Variants in MYO5B observed in about 807,000 individuals in gnomAD.
MYO5B encodes unconventional myosin-Vb.
In MYO5B, 143 loss-of-function variants were observed where a neutral mutation model predicts 229.3. The ratio of observed to expected loss-of-function variants is 0.62; its 90% CI spans 0.54 to 0.72. The LOEUF is 0.72. Among genes scored for constraint, MYO5B ranks in the 30% least tolerant of loss-of-function variants. MYO5B has a pLI of 0.00. For missense variants in MYO5B, 2,321 were observed against 2,331.0 expected (o/e 1.00, Z 0.09); for synonymous variants, 918 against 885.2 (o/e 1.04, Z -0.66).
chr18:50,027,857 G>A (rs1169707351), intron 4 of MYO5B, among the ~76,000 whole-genome samples: 2 of 152,100 alleles, frequency 1.3e-5, no homozygotes, highest in Non-Finnish European at 2.9e-5. Flanking sequence ...CAAAATAGCA[G>A]AACACAAGTA....
chr18:50,091,400 A>AT (rs1359706079), intron 1 of MYO5B, among the ~76,000 whole-genome samples: 2 of 152,198 alleles, frequency 1.3e-5, no homozygotes, highest in African/African-American at 4.8e-5. Flanking sequence ...ATTCAAGCTT[A>AT]TTTGCATACC....
chr18:49,880,497 G>A, intron 22 of MYO5B, 42 bp from the exon 23 acceptor site: 2 of 1,471,422 alleles, frequency 1.4e-6, no homozygotes, highest in Non-Finnish European at 1.9e-6. Context: ...ATGATGCTGG[G>A]AAGAGGAGAG....
chr18:50,149,165 C>T (rs1298862844), intron 1 of MYO5B, among the ~76,000 whole-genome samples: 1 of 152,190 alleles, frequency 6.6e-6, no homozygotes, highest in Non-Finnish European at 1.5e-5. Flanking sequence ...CTACAAACCA[C>T]TGCTCAATGT....
At chr18:50,145,695 A>C (rs1390699689) in intron 1 of MYO5B, among the ~76,000 whole-genome samples, 2 of 152,172 alleles carry the variant, frequency 1.3e-5, no homozygotes, top group Admixed American at 1.3e-4. Flanking sequence ...AAGATTATTC[A>C]AACAGCTCTA....
At position 49,905,862 on chromosome 18, in the gene MYO5B, G is replaced by T. The variant is rs1011539074; in HGVS notation, c.2414+557C>A. ...GCAGTAGTTTCTTCTGCTCGGGGTC[G>T]AGCTGGGGGCAGGCAGGGGAGGCTG... On this transcript the variant is annotated intron_variant, in intron 19 of 39. Transcript: ENST00000285039. Among the ~76,000 whole-genome samples, 3 of 152,102 alleles carry T rather than the reference G, an allele frequency of 2.0e-5. No individual in the cohort carries two copies. The East Asian group carries it at 5.8e-4, about 29-fold the overall frequency.
intron 1 of MYO5B, among the ~76,000 whole-genome samples, chr18:50,153,451 T>C (rs2032630851): frequency 6.6e-6 from 1 of 152,014 alleles, no homozygotes; most frequent in Non-Finnish European, 1.5e-5. Flanking sequence ...ATGGGAGAAA[T>C]ATTTCATTTT....
intron 21 of MYO5B, among the ~76,000 whole-genome samples, chr18:49,898,489 T>A (rs903121244): frequency 6.6e-5 from 10 of 152,144 alleles, no homozygotes; most frequent in African/African-American, 1.9e-4. Context: ...GAGAGCCGAG[T>A]TCACGGACTA....
chr18:50,186,842 A>G (rs1043415040), intron 1 of MYO5B, among the ~76,000 whole-genome samples: 2 of 152,120 alleles, frequency 1.3e-5, no homozygotes, highest in Non-Finnish European at 2.9e-5. Context: ...AGAGCGCCAC[A>G]ATATCCAGGG....
At chr18:49,923,370 T>A (rs539333919) in intron 17 of MYO5B, among the ~76,000 whole-genome samples, 21 of 152,230 alleles carry the variant, frequency 1.4e-4, no homozygotes, top group African/African-American at 5.1e-4. Flanking sequence ...CGGTGCAGGA[T>A]GAGATGTGGA....
Position 49,864,357 on chromosome 18 carries a change from G to C in MYO5B, c.3627C>G (p.Asn1209Lys). The C allele has an allele frequency of 1.2e-6, 2 of 1,613,796 alleles. No individual in the cohort carries two copies. The highest frequency in any genetic ancestry group is 1.7e-6 in the Non-Finnish European group (2 of 1,180,048). ...SLKRQELESENKKLKNDLNEL... is the reference protein window; with the variant it reads ...SLKRQELESEKKKLKNDLNEL... ...CATTCAGGTCATTCTTCAGCTTTTT[G>C]TTCTCTGACTCCAGCTCTTGCCTCT... is the stretch of plus-strand genomic sequence containing the variant. Residue 1209 changes from asparagine to lysine, a missense_variant, in exon 28 of 40, where the codon AAC becomes AAG. By Grantham distance (94) the Asn-to-Lys change is moderately conservative. This residue lies in a region of MYO5B where 2,113 missense variants were observed against 2,044.7 expected (regional missense o/e 1.03). Coordinates refer to ENST00000285039, the MANE Select transcript of MYO5B (RefSeq NM_001080467.3).
chr18:50,184,776 T>G (rs1325184112), intron 1 of MYO5B, among the ~76,000 whole-genome samples: 2 of 152,110 alleles, frequency 1.3e-5, no homozygotes, highest in Non-Finnish European at 2.9e-5. Context: ...CTGTGACTCA[T>G]GCCTATAATC....
At chr18:50,061,154 C>T (rs76780095) in intron 1 of MYO5B, among the ~76,000 whole-genome samples, 3,715 of 152,316 alleles carry the variant, frequency 0.024, 61 homozygotes, top group Non-Finnish European at 0.04. Context: ...GGCTGTAGCA[C>T]TGTGGTCAAG....
intron 22 of MYO5B, among the ~76,000 whole-genome samples, chr18:49,885,523 C>T (rs2024632852): frequency 6.6e-6 from 1 of 152,142 alleles, no homozygotes. Context: ...ACTAAACCAG[C>T]AGAAGCCTAA....
At chr18:49,965,938 C>T (rs1020943377) in intron 10 of MYO5B, among the ~76,000 whole-genome samples, 10 of 152,228 alleles carry the variant, frequency 6.6e-5, no homozygotes, top group Admixed American at 1.3e-4. Context: ...TGTCTCTACC[C>T]TTTCCATTCT....
At chr18:50,050,161 C>T (rs903471255) in intron 2 of MYO5B, among the ~76,000 whole-genome samples, 2 of 152,086 alleles carry the variant, frequency 1.3e-5, no homozygotes, top group Non-Finnish European at 2.9e-5. Flanking sequence ...TATTAGGAGA[C>T]CCAAAAACCA....
At chr18:50,038,297 G>A (rs528675682) in intron 3 of MYO5B, among the ~76,000 whole-genome samples, 1 of 152,204 alleles carries the variant, frequency 6.6e-6, no homozygotes, top group African/African-American at 2.4e-5. Flanking sequence ...AAGATGGGAA[G>A]TCTCCGACAT....
At chr18:49,847,365 G>C (rs1304812846) in intron 32 of MYO5B, 76 bp from the exon 33 acceptor site, 21 of 1,545,174 alleles carry the variant, frequency 1.4e-5, no homozygotes, top group Non-Finnish European at 1.7e-5. Flanking sequence ...ATCTCTGGCG[G>C]GTGGAGGATG....
At chr18:50,168,999 G>A (rs1436994640) in intron 1 of MYO5B, among the ~76,000 whole-genome samples, 1 of 126,004 alleles carries the variant, frequency 7.9e-6, no homozygotes, top group Non-Finnish European at 1.7e-5. Context: ...AAGTCAGAGA[G>A]AGAAGGGCGA....
intron 1 of MYO5B, among the ~76,000 whole-genome samples, chr18:50,183,306 C>CATATATATATATATATATAT (rs71169486): frequency 1.2e-3 from 128 of 109,970 alleles, no homozygotes; most frequent in African/African-American, 2.7e-3. Flanking sequence ...TCAATTTTAT[C>CATATATATATATATATATAT]ATATATATAT....
Sources: gnomAD v4.1 joint callset for allele counts (sites outside exome capture counted in the v4.1 genomes callset) on GRCh38, gnomAD v4.1.1 for gene constraint, gnomAD v4.1.1 regional missense constraint, MANE v1.5 for transcripts, NCBI Gene and HGNC (gene_info 2026-07-23, HGNC 2026-07-21) for gene names.